USP5: variants seen among roughly 807,000 people sequenced by gnomAD.
USP5 encodes ubiquitin specific peptidase 5, also known as ubiquitin carboxyl-terminal hydrolase 5.
A neutral mutation model predicts 102.5 loss-of-function variants in USP5; 24 were observed. That is an observed-to-expected ratio of 0.23 (90% CI 0.17 to 0.33). USP5 has a LOEUF of 0.33. Ranked by LOEUF, USP5 falls within the 10% of genes least tolerant of loss-of-function variation. The pLI is 1.00. For missense variants in USP5, 753 were observed against 1,122.1 expected (o/e 0.67, Z 4.70); for synonymous variants, 460 against 434.8 (o/e 1.06, Z -0.72).
intron 1 of USP5, among the ~76,000 whole-genome samples, chr12:6,853,976 G>A (rs1390916730): frequency 2.0e-5 from 3 of 152,210 alleles, no homozygotes; most frequent in African/African-American, 4.8e-5. Context: ...TCCTGGAAGA[G>A]GATGTCTGTT....
intron 1 of USP5, among the ~76,000 whole-genome samples, chr12:6,854,954 C>T (rs10744719): frequency 1.3e-5 from 2 of 152,074 alleles, no homozygotes; most frequent in Non-Finnish European, 2.9e-5. Flanking sequence ...TCCTCTCCCA[C>T]GAAGGGACCC....
chr12:6,855,432 A>G lies in USP5; in HGVS notation c.143A>G (p.Asn48Ser). The change falls in exon 2 of 20, where the codon AAC becomes AGC. Residue 48 changes from asparagine to serine, a missense_variant. Physicochemically the swap from Asn to Ser is conservative, Grantham distance 46. Coordinates refer to ENST00000229268, the MANE Select transcript of USP5 (RefSeq NM_001098536.2). This position sits in a 1 kb window ranked among gnomAD's most constrained non-coding sequence, Gnocchi z 4.6. ...GAGGGGGGCCTCTACATCTGTATGA[A>G]CACGTTTCTGGGCTTTGGGAAACAG... Reference protein sequence around the residue: ...ESEGGLYICMNTFLGFGKQYV... With the variant: ...ESEGGLYICMSTFLGFGKQYV... 6.2e-7 allele frequency: 1 copy of G among 1,614,180 alleles called. No homozygotes were observed. The highest frequency in any genetic ancestry group is 8.5e-7 in the Non-Finnish European group (1 of 1,180,028).
At chr12:6,865,663 G>C (rs782173242) in intron 19 of USP5, among the ~76,000 whole-genome samples, 60 of 152,308 alleles carry the variant, frequency 3.9e-4, no homozygotes, top group African/African-American at 1.3e-3. Context: ...AAGTTGAGTC[G>C]TTGTGTCAGA....
At position 6,858,647 on chromosome 12, in the gene USP5, C is replaced by G. The variant is rs782299787; in HGVS notation, c.1058+30C>G. 40 of 1,579,434 alleles carry G rather than the reference C, an allele frequency of 2.5e-5. No homozygotes were observed. The East Asian group carries it at 9.1e-4, about 36-fold the overall frequency. The stretch of plus-strand genomic sequence containing the variant: ...GTAGTGCCCTCTCCTTCCCCAGGCC[C>G]CCTCCTGGTCAGCACCCTCTGGGCA... On this transcript the variant is annotated intron_variant, in intron 8 of 19. Coordinates refer to ENST00000229268, the MANE Select transcript of USP5 (RefSeq NM_001098536.2). The surrounding 1 kb of genome is among the most constrained non-coding windows in gnomAD (Gnocchi z 4.2).
At chr12:6,859,895 T>C (rs1944227267) in intron 9 of USP5, among the ~76,000 whole-genome samples, 1 of 152,178 alleles carries the variant, frequency 6.6e-6, no homozygotes, top group Non-Finnish European at 1.5e-5. Context: ...GACCTCGTGG[T>C]CTGCCCACCT....
intron 1 of USP5, among the ~76,000 whole-genome samples, chr12:6,853,927 T>C (rs532907416): frequency 6.6e-6 from 1 of 152,364 alleles, no homozygotes; most frequent in South Asian, 2.1e-4. Flanking sequence ...ATTTTTCATA[T>C]CACAGCAGAG....
chr12:6,856,907 C>T lies in USP5; in HGVS notation c.769+16C>T. 1 of 1,609,650 alleles carries T rather than the reference C, an allele frequency of 6.2e-7. No homozygotes were observed. Among genetic ancestry groups the T allele is most frequent in the East Asian group, 2.2e-5 (1 of 44,752 alleles). On this transcript the variant is annotated intron_variant, in intron 6 of 19. Transcript: ENST00000229268. The surrounding 1 kb of genome is among the most constrained non-coding windows in gnomAD (Gnocchi z 5.6). ...GATGGAGCTGGTACAGCCTCCCCTC[C>T]TCCAGCCACTCTCATGCTTAAATAT...
At position 6,858,119 on chromosome 12, in the gene USP5, G is replaced by A. The variant is rs1215185826; in HGVS notation, c.865-305G>A. 3.9e-5 allele frequency among the ~76,000 whole-genome samples: 6 copies of A among 152,178 alleles called. No homozygotes were observed. The highest frequency in any genetic ancestry group is 1.2e-4 in the African/African-American group (5 of 41,430). On this transcript the variant is annotated intron_variant, in intron 7 of 19. Transcript: ENST00000229268. This position sits in a 1 kb window ranked among gnomAD's most constrained non-coding sequence, Gnocchi z 4.2. ...ATCAGGGACATTTCCCTGAGGAAGC[G>A]ATGCTTAACTGACAATGTGAAGGAG...
In USP5 at chr12:6,863,862, C is replaced by G; in HGVS notation, c.1987C>G (p.Leu663Val). 2.5e-6 allele frequency: 4 copies of G among 1,609,586 alleles called. No homozygotes were observed. Among genetic ancestry groups the G allele is most frequent in the Non-Finnish European group, 3.4e-6 (4 of 1,177,222 alleles). ...PMLDESVIIQ[L>V]VEMGFPMDAC... ...GCTGGATGAATCAGTCATCATCCAG[C>G]TGGTGGAGATGGGATTCCCTATGGA... Residue 663 changes from leucine (L) to valine (V), a missense_variant, in exon 16 of 20, where the codon CTG becomes GTG. Physicochemically the swap from Leu to Val is conservative, Grantham distance 32. Around this residue, in one of 3 missense-constraint regions of USP5, gnomAD observed 193 missense variants for 230.2 expected, o/e 0.84. Transcript: ENST00000229268. The surrounding 1 kb of genome is among the most constrained non-coding windows in gnomAD (Gnocchi z 4.7).
In USP5 at chr12:6,860,134, CT is replaced by C. The variant is rs1565531921; in HGVS notation, c.1131-15del. On this transcript the variant is annotated splice_polypyrimidine_tract_variant and intron_variant, in intron 9 of 19. Transcript: ENST00000229268. This position sits in a 1 kb window ranked among gnomAD's most constrained non-coding sequence, Gnocchi z 5.5. ...TTAGTTGACTGAAGTGAAATGTTTT[CT>C]TGGATATTAATGCAGGGCCAAGCTG... The C allele has an allele frequency of 1.9e-6, 3 of 1,607,670 alleles. No individual in the cohort carries two copies. In the South Asian group the frequency reaches 3.3e-5, roughly 18 times the overall value.
At position 6,866,412 on chromosome 12, in the gene USP5, GC is replaced by G. The variant is rs1944448545; in HGVS notation, c.*336del. On this transcript the variant is annotated 3_prime_UTR_variant, in exon 20 of 20. Transcript: ENST00000229268. The surrounding 1 kb of genome is among the most constrained non-coding windows in gnomAD (Gnocchi z 4.7). ...GTGGAGGGAGGGGTCTCGTTTGTGC[GC>G]GTGGGTGTAGCTTTGTGCATCCTCT... 1 of 295,784 alleles carries G rather than the reference GC, an allele frequency of 3.4e-6. No individual in the cohort carries two copies. Among genetic ancestry groups the G allele is most frequent in the Admixed American group, 4.2e-5 (1 of 23,640 alleles). 18.3% of individuals were successfully genotyped at this position (295,784 alleles called of 1,614,324 possible).
chr12:6,856,528 G>A lies in USP5; in HGVS notation c.584+78G>A. On this transcript the variant is annotated intron_variant, in intron 5 of 19. Coordinates refer to ENST00000229268, the MANE Select transcript of USP5 (RefSeq NM_001098536.2). The surrounding 1 kb of genome is among the most constrained non-coding windows in gnomAD (Gnocchi z 5.6). ...GCCCACTTTTCTGGGGGATCTGGTGGGAGAGAGGGTAGGGAGCAGGACAGG... is the reference window on the plus strand; with the variant it reads ...GCCCACTTTTCTGGGGGATCTGGTGAGAGAGAGGGTAGGGAGCAGGACAGG... 6.4e-7 allele frequency: 1 copy of A among 1,556,682 alleles called. No individual in the cohort carries two copies. Among genetic ancestry groups the A allele is most frequent in the Non-Finnish European group, 8.7e-7 (1 of 1,152,982 alleles).
At chr12:6,857,857 TAAATATCTA>T in intron 7 of USP5, 134 bp downstream of exon 7, 1 of 758,796 alleles carries the variant, frequency 1.3e-6, no homozygotes, top group Admixed American at 2.6e-5. Context: ...AGGCTTCTTT[TAAATATCTA>T]AAATCATTTA....
In USP5 at chr12:6,860,934, C is replaced by T. The variant is rs782690448; in HGVS notation, c.1345-19C>T. ...TTCCCTGGCTGCCCAGACCTCCCTA[C>T]CCTGCCTCTTTCCCATAGAGGAATT... On this transcript the variant is annotated intron_variant, in intron 11 of 19. Transcript: ENST00000229268. The surrounding 1 kb of genome is among the most constrained non-coding windows in gnomAD (Gnocchi z 5.5). 2.5e-6 allele frequency: 4 copies of T among 1,613,808 alleles called. No individual in the cohort carries two copies. Among genetic ancestry groups the T allele is most frequent in the Non-Finnish European group, 3.4e-6 (4 of 1,179,890 alleles).
chr12:6,863,942 G>C lies in USP5; in HGVS notation c.2067G>C (p.Met689Ile). ...GCAACAGCGGGGCTGAGGCCGCCAT[G>C]AACTGGGTCATGTCACACATGGATG... ...YTGNSGAEAA[M>I]NWVMSHMDDP... The change falls in exon 16 of 20, where the codon ATG becomes ATC. Residue 689 changes from methionine to isoleucine, a missense_variant. Met to Ile is a conservative substitution (Grantham distance 10). Around this residue, in one of 3 missense-constraint regions of USP5, gnomAD observed 193 missense variants for 230.2 expected, o/e 0.84. Transcript: ENST00000229268. The surrounding 1 kb of genome is among the most constrained non-coding windows in gnomAD (Gnocchi z 4.7). The C allele has an allele frequency of 1.2e-6, 2 of 1,605,090 alleles. No individual in the cohort carries two copies. The highest frequency in any genetic ancestry group is 2.2e-5 in the South Asian group (2 of 90,312).
In USP5 at chr12:6,856,529, G is replaced by A; in HGVS notation, c.584+79G>A. ...CCCACTTTTCTGGGGGATCTGGTGGGAGAGAGGGTAGGGAGCAGGACAGGA... is the reference window on the plus strand; with the variant it reads ...CCCACTTTTCTGGGGGATCTGGTGGAAGAGAGGGTAGGGAGCAGGACAGGA... On this transcript the variant is annotated intron_variant, in intron 5 of 19. Transcript: ENST00000229268. This position sits in a 1 kb window ranked among gnomAD's most constrained non-coding sequence, Gnocchi z 5.6. The A allele has an allele frequency of 6.4e-7, 1 of 1,556,656 alleles. No individual in the cohort carries two copies. Among genetic ancestry groups the A allele is most frequent in the Non-Finnish European group, 8.7e-7 (1 of 1,153,012 alleles).
At chr12:6,854,577 C>T (rs1041105367) in intron 1 of USP5, among the ~76,000 whole-genome samples, 1 of 148,362 alleles carries the variant, frequency 6.7e-6, no homozygotes, top group African/African-American at 2.5e-5. Flanking sequence ...AGCAACATAG[C>T]GAGACCCCAC....
At position 6,856,064 on chromosome 12, in the gene USP5, G is replaced by A. The variant is rs781856774; in HGVS notation, c.352G>A (p.Glu118Lys). The A allele has an allele frequency of 1.2e-5, 19 of 1,614,038 alleles. No individual in the cohort carries two copies. The highest frequency in any genetic ancestry group is 2.7e-5 in the African/African-American group (2 of 74,900). Residue 118 changes from glutamate (E) to lysine (K), a missense_variant, in exon 4 of 20, where the codon GAG (glutamate) becomes AAG (lysine). Around this residue, in one of 3 missense-constraint regions of USP5, gnomAD observed 527 missense variants for 816.5 expected, o/e 0.65. Transcript: ENST00000229268. This position sits in a 1 kb window ranked among gnomAD's most constrained non-coding sequence, Gnocchi z 5.6. ...TAGCGAGGAGAAGTTTGAATTAGAC[G>A]AGGATGTGAAGATTGTCATTTTGCC... is the stretch of plus-strand genomic sequence containing the variant. ...DLSEEKFELD[E>K]DVKIVILPDY... is the part of the protein sequence containing the mutation.
rs782102759 is a variant in USP5 at position 6,855,770 on chromosome 12, G to C, written c.253G>C (p.Ala85Pro). ...TTCTTTACAGAAAGAGGAGGACCCT[G>C]CTACAGGCACTGGAGACCCACCCCG... ...RTRRPKEEDP[A>P]TGTGDPPRKK... Residue 85 changes from alanine (A) to proline (P), a missense_variant, in exon 3 of 20, where the codon GCT becomes CCT. Ala to Pro is a conservative substitution (Grantham distance 27). Coordinates refer to ENST00000229268, the MANE Select transcript of USP5 (RefSeq NM_001098536.2). The surrounding 1 kb of genome is among the most constrained non-coding windows in gnomAD (Gnocchi z 4.6). 6.2e-7 allele frequency: 1 copy of C among 1,614,202 alleles called. No individual in the cohort carries two copies. Among genetic ancestry groups the C allele is most frequent in the Admixed American group, 1.7e-5 (1 of 60,022 alleles).
Sources: allele counts gnomAD v4.1 joint callset (sites outside exome capture counted in the v4.1 genomes callset), GRCh38; gene constraint gnomAD v4.1.1; regional missense constraint gnomAD v4.1.1; non-coding constraint Gnocchi (gnomAD v3.1); transcripts MANE v1.5; gene names NCBI Gene and HGNC (gene_info 2026-07-23, HGNC 2026-07-21).